Variants in PRRC2B observed in about 807,000 individuals in gnomAD.
The protein encoded by PRRC2B is protein PRRC2B.
PRRC2B carries 68 observed loss-of-function variants against 242.3 expected under a neutral mutation model. That is an observed-to-expected ratio of 0.28 (90% CI 0.23 to 0.34). The LOEUF (loss-of-function observed/expected upper bound fraction) is 0.34, where lower values mean the gene tolerates loss of function less well. Among genes scored for constraint, PRRC2B ranks in the 10% least tolerant of loss-of-function variants. PRRC2B has a pLI of 1.00. For missense variants in PRRC2B, 2,835 were observed against 2,954.8 expected, an observed-to-expected ratio of 0.96 and a Z score of 0.94; for synonymous variants, 1,228 against 1,173.6, an observed-to-expected ratio of 1.05 and a Z score of -0.95.
At chr9:131,388,238 A>C (rs1054652438) in intron 1 of PRRC2B, among the ~76,000 whole-genome samples, 1 of 134,092 alleles carries the variant, frequency 7.5e-6, no homozygotes, top group Non-Finnish European at 1.6e-5. Context: ...TTTTACTTTT[A>C]CTTTTTTTTT....
At chr9:131,476,612 C>T (rs966641566) in intron 16 of PRRC2B, 77 bp downstream of exon 16, 19 of 1,347,480 alleles carry the variant, frequency 1.4e-5, no homozygotes, top group African/African-American at 4.4e-5. Flanking sequence ...GCATGCATGC[C>T]GATGCCGCCG....
At chr9:131,426,337 C>CAAAAAAA (rs5900939) in intron 1 of PRRC2B, among the ~76,000 whole-genome samples, 2 of 84,480 alleles carry the variant, frequency 2.4e-5, no homozygotes, top group African/African-American at 8.4e-5. Flanking sequence ...AACTCTGTCT[C>CAAAAAAA]AAAAAAAAAA....
chr9:131,383,158 G>T (rs1836783117), intron 1 of PRRC2B, among the ~76,000 whole-genome samples: 1 of 152,058 alleles, frequency 6.6e-6, no homozygotes, highest in African/African-American at 2.4e-5. Flanking sequence ...CACCTGCACC[G>T]AGAAGGCCTC....
upstream of PRRC2B, chr9:131,393,990 G>A (rs1479394103): frequency 6.6e-6 from 1 of 151,454 alleles, no homozygotes; most frequent in Admixed American, 6.6e-5. Context: ...GCGCTGCGCG[G>A]GCCCAGGTTG....
At chr9:131,429,995 T>C in intron 1 of PRRC2B, 99 bp from the exon 2 acceptor site, 1 of 611,998 alleles carries the variant, frequency 1.6e-6, no homozygotes, top group Non-Finnish European at 2.9e-6. Context: ...CCATGATTCG[T>C]GAAGGATTCA....
Position 131,476,047 on chromosome 9 carries a change from C to G in PRRC2B, c.3918C>G (p.Arg1306=), listed in dbSNP as rs368629851. The change falls in exon 16 of 32, where the codon CGC becomes CGG. Residue 1306 remains arginine (R), a synonymous_variant. Coordinates refer to ENST00000683519, the MANE Select transcript of PRRC2B (RefSeq NM_013318.4). ...NRPFRRRRPP[R]QDKPPRFRRL... ...CCTTCAGGAGAAGGCGCCCCCCACG[C>G]CAAGATAAGCCCCCTCGATTCCGGC... 416 of 1,606,192 alleles carry G rather than the reference C, an allele frequency of 2.6e-4. No individual in the cohort carries two copies. Among genetic ancestry groups the G allele is most frequent in the Admixed American group, 5.5e-4 (33 of 59,676 alleles).
chr9:131,491,503 C>G lies in PRRC2B; in HGVS notation c.6304C>G (p.Gln2102Glu). The change falls in exon 29 of 32, where the codon CAG becomes GAG. Residue 2102 changes from glutamine to glutamate, a missense_variant. Physicochemically the swap from Gln to Glu is conservative, Grantham distance 29 (BLOSUM62 2). Around this residue, in one of 7 missense-constraint regions of PRRC2B, gnomAD observed 574 missense variants for 626.0 expected, o/e 0.92. Transcript: ENST00000683519. ...CCAGTCTATTCAGCTGCCACCTGGG[C>G]AGAGCCTCTCCGTTGGGGCCCCCCG... The part of the protein sequence containing the change: ...LPQSIQLPPG[Q>E]SLSVGAPRRI... The G allele has an allele frequency of 6.2e-7, 1 of 1,612,546 alleles. No individual in the cohort carries two copies. Among genetic ancestry groups the G allele is most frequent in the Admixed American group, 1.7e-5 (1 of 59,968 alleles).
Position 131,444,146 on chromosome 9 carries a change from C to G in PRRC2B, c.470-39C>G, listed in dbSNP as rs754985460. ...CTGGGAAGCAGACGACTGTTGACTC[C>G]ATCTCACTTCCTCCATGTCTACCCC... On this transcript the variant is annotated intron_variant, in intron 5 of 31. Transcript: ENST00000683519. 33 of 1,611,066 alleles carry G rather than the reference C, an allele frequency of 2.0e-5. No homozygotes were observed. The East Asian group carries it at 7.4e-4, about 36-fold the overall frequency.
intron 9 of PRRC2B, among the ~76,000 whole-genome samples, chr9:131,454,626 A>G (rs1588261165): frequency 6.8e-6 from 1 of 146,974 alleles, no homozygotes. Flanking sequence ...GGTACCACTG[A>G]CCTTTTCTTT....
chr9:131,487,503 T>C lies in PRRC2B; in HGVS notation c.5984+209T>C, dbSNP rs571431135. 1.3e-5 allele frequency among the ~76,000 whole-genome samples: 2 copies of C among 152,206 alleles called. No individual in the cohort carries two copies. The highest frequency in any genetic ancestry group is 3.9e-4 in the East Asian group (2 of 5,172). Reference sequence around the variant, plus strand: ...GGGCGAGCTGATATGTGGTGGGCCGTGTTTTGCTTTTCCATGTCATCTTGC... The same window carrying C: ...GGGCGAGCTGATATGTGGTGGGCCGCGTTTTGCTTTTCCATGTCATCTTGC... On this transcript the variant is annotated intron_variant, in intron 27 of 31. Coordinates refer to ENST00000683519, the MANE Select transcript of PRRC2B (RefSeq NM_013318.4). The surrounding 1 kb of genome is among the most constrained non-coding windows in gnomAD (Gnocchi z 5.3).
chr9:131,405,541 C>T (rs905304043), intron 1 of PRRC2B, among the ~76,000 whole-genome samples: 17 of 152,226 alleles, frequency 1.1e-4, no homozygotes, highest in Admixed American at 3.3e-4. Flanking sequence ...CGTCACTTGC[C>T]ACCCCTCCTG....
Position 131,464,887 on chromosome 9 carries a change from G to T in PRRC2B, c.1529G>T (p.Arg510Leu), listed in dbSNP as rs1412522639. Residue 510 changes from arginine (R) to leucine (L), a missense_variant, in exon 12 of 32, where the codon CGG (arginine) becomes CTG (leucine). Coordinates refer to ENST00000683519, the MANE Select transcript of PRRC2B (RefSeq NM_013318.4). ...SEAVERARKR[R>L]EEEERRAREE... ...GCGGTGGAGCGAGCCCGAAAGCGCC[G>T]GGAAGAAGAGGAGCGCCGAGCCCGG... The T allele has an allele frequency of 1.9e-6, 3 of 1,613,556 alleles. No homozygotes were observed. Among genetic ancestry groups the T allele is most frequent in the Non-Finnish European group, 8.5e-7 (1 of 1,179,806 alleles).
chr9:131,480,081 G>A (rs1396426915), intron 19 of PRRC2B, among the ~76,000 whole-genome samples: 1 of 152,120 alleles, frequency 6.6e-6, no homozygotes, highest in Non-Finnish European at 1.5e-5. Context: ...ATGGACATTC[G>A]ATATTTCACA....
chr9:131,482,783 A>T lies in PRRC2B; in HGVS notation c.5249A>T (p.Asn1750Ile). Reference sequence around the variant, plus strand: ...ATCGGCAACGAGCGTTCTCTGAAAAACAGAAAGGGCTCGGAGGGGGCCGAG... The same window carrying T: ...ATCGGCAACGAGCGTTCTCTGAAAATCAGAAAGGGCTCGGAGGGGGCCGAG... ...GPIGNERSLKNRKGSEGAERL... is the reference protein window; with the variant it reads ...GPIGNERSLKIRKGSEGAERL... The change falls in exon 22 of 32, where the codon AAC becomes ATC. Residue 1750 changes from asparagine to isoleucine, a missense_variant. Around this residue, in one of 7 missense-constraint regions of PRRC2B, gnomAD observed 7 missense variants for 23.4 expected, o/e 0.30. Coordinates refer to ENST00000683519, the MANE Select transcript of PRRC2B (RefSeq NM_013318.4). The surrounding 1 kb of genome is among the most constrained non-coding windows in gnomAD (Gnocchi z 5.2). 6.2e-7 allele frequency: 1 copy of T among 1,611,888 alleles called. No homozygotes were observed. Among genetic ancestry groups the T allele is most frequent in the Non-Finnish European group, 8.5e-7 (1 of 1,178,974 alleles).
chr9:131,482,516 A>G lies in PRRC2B; in HGVS notation c.5129A>G (p.Lys1710Arg). The G allele has an allele frequency of 3.1e-6, 5 of 1,609,794 alleles. No homozygotes were observed. The highest frequency in any genetic ancestry group is 1.3e-5 in the African/African-American group (1 of 74,998). Residue 1710 changes from lysine to arginine, a missense_variant, in exon 21 of 32, where the codon AAG becomes AGG. Physicochemically the swap from Lys to Arg is conservative, Grantham distance 26 (BLOSUM62 2). This residue lies in a region of PRRC2B where 51 missense variants were observed against 45.1 expected (regional missense o/e 1.13). Coordinates refer to ENST00000683519, the MANE Select transcript of PRRC2B (RefSeq NM_013318.4). This position sits in a 1 kb window ranked among gnomAD's most constrained non-coding sequence, Gnocchi z 5.2. ...AGCGGGCCCGGCCTGGCGGAACCCA[A>G]GGCCGACAGCCACAAGGAGCAGGCT... ...EMSGPGLAEP[K>R]ADSHKEQAPK...
At chr9:131,431,002 G>A (rs1339008367) in intron 2 of PRRC2B, among the ~76,000 whole-genome samples, 2 of 150,940 alleles carry the variant, frequency 1.3e-5, no homozygotes, top group African/African-American at 4.9e-5. Flanking sequence ...CCATGCTGGA[G>A]TGCAATGGCG....
intron 1 of PRRC2B, among the ~76,000 whole-genome samples, chr9:131,397,636 G>T (rs2131278411): frequency 7.4e-6 from 1 of 135,456 alleles, no homozygotes; most frequent in Admixed American, 8.1e-5. Context: ...CTGTATGCTA[G>T]TTATATGTCT....
chr9:131,437,624 C>A (rs1838416457), intron 4 of PRRC2B, among the ~76,000 whole-genome samples: 1 of 152,222 alleles, frequency 6.6e-6, no homozygotes, highest in Non-Finnish European at 1.5e-5. Context: ...CAAATGTCAT[C>A]CCCTCTCTGC....
intron 23 of PRRC2B, among the ~76,000 whole-genome samples, chr9:131,483,892 G>A (rs946739523): frequency 1.3e-5 from 2 of 152,204 alleles, no homozygotes; most frequent in Admixed American, 6.5e-5. Flanking sequence ...GTGGCCACTC[G>A]GGGCTGCAGC....
Sources: allele counts gnomAD v4.1 joint callset (sites outside exome capture counted in the v4.1 genomes callset), GRCh38; gene constraint gnomAD v4.1.1; regional missense constraint gnomAD v4.1.1; non-coding constraint Gnocchi (gnomAD v3.1); transcripts MANE v1.5; gene names NCBI Gene and HGNC (gene_info 2026-07-23, HGNC 2026-07-21).